FGFR2: variants seen among roughly 807,000 people sequenced by gnomAD.
FGFR2 encodes the protein fibroblast growth factor receptor 2.
A neutral mutation model predicts 95.9 loss-of-function variants in FGFR2; 19 were observed. The ratio of observed to expected loss-of-function variants is 0.20; its 90% CI spans 0.14 to 0.29. The LOEUF (loss-of-function observed/expected upper bound fraction) is 0.29. Ranked by LOEUF, FGFR2 falls within the 10% of genes least tolerant of loss-of-function variation. FGFR2 has a pLI of 1.00. For missense variants in FGFR2, 707 were observed against 1,056.9 expected (o/e 0.67, Z 4.59); for synonymous variants, 392 against 393.3 (o/e 1.00, Z 0.04).
At position 121,551,420 on chromosome 10, in the gene FGFR2, C is replaced by T. The variant is rs146244307; in HGVS notation, c.494G>A (p.Arg165Gln). 1.5e-5 allele frequency: 24 copies of T among 1,614,002 alleles called. No individual in the cohort carries two copies. Among genetic ancestry groups the T allele is most frequent in the African/African-American group, 1.3e-4 (10 of 74,932 alleles). The change falls in exon 5 of 18, where the codon CGG (arginine) becomes CAG (glutamine). Residue 165 changes from arginine (R) to glutamine (Q), a missense_variant. By Grantham distance (43) the Arg-to-Gln change is conservative (BLOSUM62 1). Transcript: ENST00000358487. ...GTTGGCCGCAGGCACAGCATGGAGC[C>T]GCTTTTCCATCTTTTCTGTGTTGGT... ...YWTNTEKMEK[R>Q]LHAVPAANTV...
At chr10:121,524,874 A>G (rs182891039) in intron 6 of FGFR2, among the ~76,000 whole-genome samples, 4 of 152,330 alleles carry the variant, frequency 2.6e-5, no homozygotes, top group Admixed American at 1.3e-4. Context: ...TCAAGTTTGC[A>G]ACTTTTTTGC....
At chr10:121,540,661 G>A (rs1267302333) in intron 5 of FGFR2, among the ~76,000 whole-genome samples, 1 of 152,110 alleles carries the variant, frequency 6.6e-6, no homozygotes, top group African/African-American at 2.4e-5. Context: ...CTTTGCCTAC[G>A]GGGAACCAGT....
chr10:121,484,907 G>A (rs113412427), intron 16 of FGFR2, among the ~76,000 whole-genome samples: 2 of 151,992 alleles, frequency 1.3e-5, no homozygotes, highest in African/African-American at 4.8e-5. Flanking sequence ...GGTTCGAGAA[G>A]TTCTGGAAAC....
At chr10:121,526,055 C>A (rs1851325302) in intron 6 of FGFR2, 2 of 396,968 alleles carry the variant, frequency 5.0e-6, no homozygotes, top group Admixed American at 4.4e-5. Context: ...CAGTATTGAT[C>A]TGGAAACAGC....
At chr10:121,509,482 C>CTTTTTTTTT (rs67778522) in intron 9 of FGFR2, among the ~76,000 whole-genome samples, 62 of 45,338 alleles carry the variant, frequency 1.4e-3, no homozygotes, top group African/African-American at 2.4e-3. Flanking sequence ...TGTTTCTTTT[C>CTTTTTTTTT]TTTTTTTTTT....
intron 5 of FGFR2, among the ~76,000 whole-genome samples, chr10:121,541,418 CT>C (rs1196533512): frequency 6.6e-6 from 1 of 152,134 alleles, no homozygotes; most frequent in East Asian, 1.9e-4. Flanking sequence ...CAATAGTTAA[CT>C]TTATAAAGAT....
intron 9 of FGFR2, among the ~76,000 whole-genome samples, chr10:121,505,350 T>G (rs1352442113): frequency 6.6e-6 from 1 of 152,236 alleles, no homozygotes; most frequent in Non-Finnish European, 1.5e-5. Flanking sequence ...TCACATAGAA[T>G]TCCTATTATC....
Position 121,517,598 on chromosome 10 carries a change from C to T in FGFR2, c.940-135G>A. The stretch of plus-strand genomic sequence containing the variant: ...CTGGGAGATTCCGACTGCAGCCCAT[C>T]CACAAAGCCCACAACCGAGAGACAC... On this transcript the variant is annotated intron_variant, in intron 7 of 17. Coordinates refer to ENST00000358487, the MANE Select transcript of FGFR2 (RefSeq NM_000141.5). The surrounding 1 kb of genome is among the most constrained non-coding windows in gnomAD (Gnocchi z 4.7). 1 of 933,422 alleles carries T rather than the reference C, an allele frequency of 1.1e-6. No individual in the cohort carries two copies. The highest frequency in any genetic ancestry group is 1.7e-6 in the Non-Finnish European group (1 of 592,590). 57.8% of individuals were successfully genotyped at this position (933,422 alleles called of 1,614,324 possible).
At chr10:121,581,509 T>C (rs1270568116) in intron 2 of FGFR2, among the ~76,000 whole-genome samples, 1 of 54,422 alleles carries the variant, frequency 1.8e-5, no homozygotes, top group African/African-American at 3.5e-5. Flanking sequence ...GAGGCCAAGG[T>C]GGGAGGATCG....
At chr10:121,487,908 T>TC in intron 14 of FGFR2, 83 bp downstream of exon 14, 1 of 1,569,678 alleles carries the variant, frequency 6.4e-7, no homozygotes, top group Non-Finnish European at 8.8e-7. Flanking sequence ...CCCACCCAGC[T>TC]CTCAACATTG....
At position 121,593,777 on chromosome 10, in the gene FGFR2, G is replaced by A. The variant is rs753987054; in HGVS notation, c.41C>T (p.Thr14Ile). ...WGRFICLVVV[T>I]MATLSLARPS... Reference sequence around the variant, plus strand: ...CCGGGCCAGGGACAAGGTTGCCATGGTGACCACGACCAGGCAGATGAAACG... The same window carrying A: ...CCGGGCCAGGGACAAGGTTGCCATGATGACCACGACCAGGCAGATGAAACG... The change falls in exon 2 of 18, where the codon ACC (threonine) becomes ATC (isoleucine). Residue 14 changes from threonine (T) to isoleucine (I), a missense_variant. Physicochemically the swap from Thr to Ile is moderately conservative, Grantham distance 89. This residue lies in a region of FGFR2 where 178 missense variants were observed against 194.1 expected (regional missense o/e 0.92). Coordinates refer to ENST00000358487, the MANE Select transcript of FGFR2 (RefSeq NM_000141.5). The A allele has an allele frequency of 6.2e-7, 1 of 1,614,212 alleles. No homozygotes were observed. Among genetic ancestry groups the A allele is most frequent in the South Asian group, 1.1e-5 (1 of 91,080 alleles).
At chr10:121,553,054 C>G (rs960152763) in intron 4 of FGFR2, among the ~76,000 whole-genome samples, 2 of 152,194 alleles carry the variant, frequency 1.3e-5, no homozygotes, top group African/African-American at 4.8e-5. Flanking sequence ...ATCGCTGCAT[C>G]CAAACACCTA....
At chr10:121,492,734 T>C (rs1377988444) in intron 13 of FGFR2, among the ~76,000 whole-genome samples, 1 of 152,216 alleles carries the variant, frequency 6.6e-6, no homozygotes, top group African/African-American at 2.4e-5. Context: ...ACCTCCATTT[T>C]CAAACCTATT....
chr10:121,575,472 C>T (rs979991384), intron 2 of FGFR2, among the ~76,000 whole-genome samples: 7 of 152,188 alleles, frequency 4.6e-5, no homozygotes, highest in African/African-American at 9.7e-5. Flanking sequence ...GTGAAAAATT[C>T]CTGATGGACC....
rs183840119 is a variant in FGFR2 at position 121,565,941 on chromosome 10, G to A, written c.110-237C>T. ...CTGACTTAGTTTCCACATCCTATGG[G>A]GCTTTAGAAACAAACCAAACCATAG... On this transcript the variant is annotated intron_variant, in intron 2 of 17. Transcript: ENST00000358487. 26 of 587,854 alleles carry A rather than the reference G, an allele frequency of 4.4e-5. 1 individual carries two copies. The Admixed American group carries it at 7.4e-4, about 17-fold the overall frequency. 36.4% of individuals were successfully genotyped at this position (587,854 alleles called of 1,614,324 possible). A position where few individuals can be genotyped will look rare whatever the true frequency, so the allele number is the denominator to read the frequency against.
At chr10:121,544,952 G>A (rs1005138597) in intron 5 of FGFR2, among the ~76,000 whole-genome samples, 1 of 152,146 alleles carries the variant, frequency 6.6e-6, no homozygotes, top group African/African-American at 2.4e-5. Context: ...AAGCCAGTCT[G>A]GGCAACCAAG....
At chr10:121,482,495 T>C (rs1353070996) in intron 17 of FGFR2, among the ~76,000 whole-genome samples, 2 of 152,246 alleles carry the variant, frequency 1.3e-5, no homozygotes, top group Non-Finnish European at 2.9e-5. Flanking sequence ...ATTTTCCTTC[T>C]AAAATACTTG....
rs371712759 is a variant in FGFR2 at position 121,479,902 on chromosome 10, T to C, written c.2421A>G (p.Pro807=). The change falls in exon 18 of 18, where the codon CCA becomes CCG. Residue 807 remains proline (P), a synonymous_variant. Coordinates refer to ENST00000358487, the MANE Select transcript of FGFR2 (RefSeq NM_000141.5). ...TTATGTGTGGATACTGAGGAAGGCA[T>C]GGTTCGTAAGGCATGGGGTCTGGAG... ...VFSPDPMPYE[P]CLPQYPHING... is the part of the protein sequence containing the mutation. 6.2e-6 allele frequency: 10 copies of C among 1,614,034 alleles called. No individual in the cohort carries two copies. Among genetic ancestry groups the C allele is most frequent in the African/African-American group, 2.7e-5 (2 of 74,920 alleles).
intron 8 of FGFR2, among the ~76,000 whole-genome samples, chr10:121,516,738 C>T (rs1849747781): frequency 6.6e-6 from 1 of 152,178 alleles, no homozygotes; most frequent in African/African-American, 2.4e-5. Context: ...ACATCAAGCC[C>T]AAGATGGCAG....
Sources: allele counts gnomAD v4.1 joint callset (sites outside exome capture counted in the v4.1 genomes callset), GRCh38; gene constraint gnomAD v4.1.1; regional missense constraint gnomAD v4.1.1; non-coding constraint Gnocchi (gnomAD v3.1); transcripts MANE v1.5; gene names NCBI Gene and HGNC (gene_info 2026-07-23, HGNC 2026-07-21).